The following PLCL1 variants were observed in gnomAD, a reference collection of about 807,000 sequenced individuals.
The protein encoded by PLCL1 is inactive phospholipase C-like protein 1.
In PLCL1, 41 loss-of-function variants were observed where a neutral mutation model predicts 84.4. The ratio of observed to expected loss-of-function variants is 0.49; its 90% CI spans 0.38 to 0.63. PLCL1 has a LOEUF of 0.63. PLCL1 is among the 30% of genes least tolerant of loss of function. PLCL1 has a pLI of 0.00. For missense variants in PLCL1, 1,206 were observed against 1,367.8 expected (o/e 0.88, Z 1.87); for synonymous variants, 490 against 488.3 (o/e 1.00, Z -0.05).
intron 5 of PLCL1, 34 bp downstream of exon 5, chr2:198,103,970 T>C (rs1693409215): frequency 1.8e-6 from 2 of 1,083,930 alleles, no homozygotes; most frequent in African/African-American, 1.6e-5. Context: ...CCTGTGCCTT[T>C]ACTTTTCTTC....
intron 1 of PLCL1, among the ~76,000 whole-genome samples, chr2:198,042,766 A>G (rs1691693878): frequency 6.6e-6 from 1 of 152,248 alleles, no homozygotes; most frequent in Non-Finnish European, 1.5e-5. Flanking sequence ...AGGCGAATCT[A>G]TACAATGCCT....
chr2:198,074,599 A>C (rs555689935), intron 1 of PLCL1, among the ~76,000 whole-genome samples: 3 of 152,200 alleles, frequency 2.0e-5, no homozygotes, highest in African/African-American at 7.2e-5. Context: ...AGATCGAGCC[A>C]CTGCACTCCA....
At chr2:198,006,092 C>G (rs1003000194) in intron 1 of PLCL1, among the ~76,000 whole-genome samples, 2 of 152,160 alleles carry the variant, frequency 1.3e-5, no homozygotes, top group African/African-American at 4.8e-5. Context: ...AAAAGAGGGA[C>G]AGTTCACCAG....
chr2:197,953,485 G>A (rs886182145), intron 1 of PLCL1, among the ~76,000 whole-genome samples: 4 of 152,036 alleles, frequency 2.6e-5, no homozygotes, highest in Non-Finnish European at 5.9e-5. Flanking sequence ...CACAGGCTGA[G>A]TGCAAGTTGC....
intron 1 of PLCL1, among the ~76,000 whole-genome samples, chr2:197,876,052 G>T (rs1439228200): frequency 6.6e-6 from 1 of 152,150 alleles, no homozygotes; most frequent in Non-Finnish European, 1.5e-5. Flanking sequence ...AGATTTCCAT[G>T]AACACGAATA....
At chr2:197,931,085 CT>C (rs1688921554) in intron 1 of PLCL1, among the ~76,000 whole-genome samples, 1 of 152,026 alleles carries the variant, frequency 6.6e-6, no homozygotes, top group African/African-American at 2.4e-5. Context: ...TGCTCACCCT[CT>C]TAAGTTTCGT....
chr2:197,939,542 GGTT>G (rs1559051112), intron 1 of PLCL1, among the ~76,000 whole-genome samples: 4 of 151,922 alleles, frequency 2.6e-5, no homozygotes, highest in African/African-American at 9.7e-5. Context: ...TTCTCCTCCT[GGTT>G]TCTTCATGTG....
At chr2:197,933,675 G>GCC (rs1170165080) in intron 1 of PLCL1, among the ~76,000 whole-genome samples, 1 of 152,108 alleles carries the variant, frequency 6.6e-6, no homozygotes, top group East Asian at 1.9e-4. Flanking sequence ...GGAAGTCATT[G>GCC]GAACTGGGCC....
At chr2:198,062,058 A>G (rs1393831311) in intron 1 of PLCL1, among the ~76,000 whole-genome samples, 1 of 152,186 alleles carries the variant, frequency 6.6e-6, no homozygotes, top group Non-Finnish European at 1.5e-5. Flanking sequence ...AGTACATTGA[A>G]CTGCTACAAT....
intron 1 of PLCL1, among the ~76,000 whole-genome samples, chr2:197,846,168 T>G (rs113588809): frequency 6.6e-6 from 1 of 152,132 alleles, no homozygotes; most frequent in South Asian, 2.1e-4. Context: ...TTTTGGACTT[T>G]GTATAGAAAA....
At chr2:197,876,256 T>A (rs1421244795) in intron 1 of PLCL1, among the ~76,000 whole-genome samples, 3 of 152,092 alleles carry the variant, frequency 2.0e-5, no homozygotes, top group Non-Finnish European at 4.4e-5. Context: ...TAATAGAGAA[T>A]CCCACAGTGT....
chr2:198,108,391 G>A (rs1289694389), intron 5 of PLCL1, among the ~76,000 whole-genome samples: 2 of 151,822 alleles, frequency 1.3e-5, no homozygotes, highest in Non-Finnish European at 2.9e-5. Context: ...GTGTTGGTTT[G>A]TATTTCTAAA....
intron 1 of PLCL1, among the ~76,000 whole-genome samples, chr2:197,838,175 T>C (rs893414477): frequency 1.6e-4 from 24 of 152,224 alleles, no homozygotes; most frequent in Admixed American, 6.5e-5. Context: ...TTGTTTGAGT[T>C]CTGTTATTTC....
chr2:198,095,232 T>C (rs1229499687), intron 3 of PLCL1, among the ~76,000 whole-genome samples: 1 of 152,198 alleles, frequency 6.6e-6, no homozygotes, highest in Non-Finnish European at 1.5e-5. Context: ...TTCTTCTTCT[T>C]TTTTGGCTCA....
intron 3 of PLCL1, among the ~76,000 whole-genome samples, chr2:198,092,810 T>C (rs1258394907): frequency 2.0e-5 from 3 of 152,222 alleles, no homozygotes; most frequent in Non-Finnish European, 4.4e-5. Context: ...AATTTGAATG[T>C]AAACTCCGTG....
intron 1 of PLCL1, among the ~76,000 whole-genome samples, chr2:198,065,586 A>G (rs1489256480): frequency 6.6e-6 from 1 of 152,152 alleles, no homozygotes; most frequent in African/African-American, 2.4e-5. Context: ...GCCTTATGGA[A>G]GGATGTTGAT....
intron 1 of PLCL1, among the ~76,000 whole-genome samples, chr2:197,878,226 A>G (rs1687772293): frequency 6.6e-6 from 1 of 152,176 alleles, no homozygotes; most frequent in Non-Finnish European, 1.5e-5. Flanking sequence ...AACATTCTCC[A>G]TGATTAGAGC....
At chr2:197,895,627 G>A (rs1688120334) in intron 1 of PLCL1, among the ~76,000 whole-genome samples, 1 of 151,914 alleles carries the variant, frequency 6.6e-6, no homozygotes, top group Admixed American at 6.6e-5. Context: ...GTGTGCTCTG[G>A]AAACAGTTTT....
intron 1 of PLCL1, among the ~76,000 whole-genome samples, chr2:198,052,391 G>T (rs1250360780): frequency 6.6e-6 from 1 of 152,164 alleles, no homozygotes; most frequent in Non-Finnish European, 1.5e-5. Flanking sequence ...AACTGTTGTG[G>T]GGTATAATGT....
Sources: allele counts gnomAD v4.1 joint callset (sites outside exome capture counted in the v4.1 genomes callset), GRCh38; gene constraint gnomAD v4.1.1; transcripts MANE v1.5; gene names NCBI Gene and HGNC (gene_info 2026-07-23, HGNC 2026-07-21).